The following HLA-DMA variants were observed in gnomAD, a reference collection of about 807,000 sequenced individuals.
HLA-DMA encodes major histocompatibility complex, class II, DM alpha.
HLA-DMA carries 20 observed loss-of-function variants against 27.3 expected under a neutral mutation model. The observed-to-expected ratio is 0.73, with a 90% CI of 0.52 to 1.07. HLA-DMA has a LOEUF of 1.07. Ranked by LOEUF, HLA-DMA falls within the 50% of genes least tolerant of loss-of-function variation. HLA-DMA has a pLI of 0.00. For synonymous variants in HLA-DMA, 111 were observed against 126.8 expected (o/e 0.88, Z 0.83); for missense variants, 241 against 321.7 (o/e 0.75, Z 1.92).
rs1776825782 is a variant in HLA-DMA at position 32,950,016 on chromosome 6, A to G, written c.374-127T>C. On this transcript the variant is annotated intron_variant, in intron 2 of 4. Coordinates refer to ENST00000374843, the MANE Select transcript of HLA-DMA (RefSeq NM_006120.4). The surrounding 1 kb of genome is among the most constrained non-coding windows in gnomAD (Gnocchi z 5.0). The stretch of plus-strand genomic sequence containing the variant: ...CACAGTGGGTCAGGCTTTGGGAGAC[A>G]GAGATGAGCGAGGAGCTGGGCTCTG... 1.1e-6 allele frequency: 1 copy of G among 900,798 alleles called. No homozygotes were observed. The highest frequency in any genetic ancestry group is 1.7e-6 in the Non-Finnish European group (1 of 594,936). 55.8% of individuals were successfully genotyped at this position (900,798 alleles called of 1,614,324 possible).
Position 32,949,656 on chromosome 6 carries a change from T to G in HLA-DMA, c.607A>C (p.Ile203Leu), listed in dbSNP as rs779037182. 6.2e-7 allele frequency: 1 copy of G among 1,613,066 alleles called. No homozygotes were observed. The highest frequency in any genetic ancestry group is 8.5e-7 in the Non-Finnish European group (1 of 1,180,026). ...TPEPSDIFSC[I>L]VTHEIDRYTA... ...TAGCGGTCAATTTCGTGAGTCACAA[T>G]GCAGGAGAAAATGTCAGAAGGTTCT... is the stretch of plus-strand genomic sequence containing the variant. The change falls in exon 3 of 5, where the codon ATT (isoleucine) becomes CTT (leucine). Residue 203 changes from isoleucine (I) to leucine (L), a missense_variant. Transcript: ENST00000374843. The surrounding 1 kb of genome is among the most constrained non-coding windows in gnomAD (Gnocchi z 5.8).
intron 1 of HLA-DMA, 41 bp downstream of exon 1, chr6:32,952,908 C>T: frequency 6.7e-7 from 1 of 1,492,920 alleles, no homozygotes; most frequent in African/African-American, 1.4e-5. Context: ...TGAGTGGGCT[C>T]CCTAGGTTCA....
At position 32,949,228 on chromosome 6, in the gene HLA-DMA, A is replaced by T. The variant is rs1332825275; in HGVS notation, c.781+43T>A. 1.9e-6 allele frequency: 3 copies of T among 1,613,430 alleles called. No homozygotes were observed. In the African/African-American group the frequency reaches 4.0e-5, roughly 22 times the overall value. On this transcript the variant is annotated intron_variant, in intron 4 of 4. Coordinates refer to ENST00000374843, the MANE Select transcript of HLA-DMA (RefSeq NM_006120.4). The surrounding 1 kb of genome is among the most constrained non-coding windows in gnomAD (Gnocchi z 5.8). The stretch of plus-strand genomic sequence containing the variant: ...GACACATGCACGCATGCACCACTGT[A>T]TCTGGCTCCCACAGGCTCACCCGCC...
chr6:32,952,981 C>A lies in HLA-DMA; in HGVS notation c.56G>T (p.Trp19Leu). 6.2e-7 allele frequency: 1 copy of A among 1,612,784 alleles called. No homozygotes were observed. Among genetic ancestry groups the A allele is most frequent in the Non-Finnish European group, 8.5e-7 (1 of 1,179,866 alleles). Residue 19 changes from tryptophan to leucine, a missense_variant, in exon 1 of 5, where the codon TGG (tryptophan) becomes TTG (leucine). Transcript: ENST00000374843. ...GACGGCCCAGGAGTGGGGTAGCAGC[C>A]ACAGAAGTGGTAACATCTGTAGCAG... is the stretch of plus-strand genomic sequence containing the variant. ...AALLQMLPLL[W>L]LLPHSWAVPE...
chr6:32,949,137 A>G lies in HLA-DMA; in HGVS notation c.781+134T>C. On this transcript the variant is annotated intron_variant, in intron 4 of 4. Transcript: ENST00000374843. This position sits in a 1 kb window ranked among gnomAD's most constrained non-coding sequence, Gnocchi z 5.8. ...GGAAGATGTGCCCCCATGGTGCTGGATACAGGCCCCCACACCCAAGGGCCT... is the reference window on the plus strand; with the variant it reads ...GGAAGATGTGCCCCCATGGTGCTGGGTACAGGCCCCCACACCCAAGGGCCT... 1 of 1,205,680 alleles carries G rather than the reference A, an allele frequency of 8.3e-7. No individual in the cohort carries two copies. The highest frequency in any genetic ancestry group is 1.2e-6 in the Non-Finnish European group (1 of 847,912). 74.7% of individuals were successfully genotyped at this position (1,205,680 alleles called of 1,614,324 possible).
Position 32,950,474 on chromosome 6 carries a change from G to A in HLA-DMA, c.373+45C>T, listed in dbSNP as rs770393481. 1.3e-6 allele frequency: 2 copies of A among 1,596,464 alleles called. No homozygotes were observed. The highest frequency in any genetic ancestry group is 2.2e-5 in the South Asian group (2 of 90,310). ...AATTATTCAGTGTACAGATCAATGA[G>A]GTTAATGCAGCCCTCCTCCCTTCAC... On this transcript the variant is annotated intron_variant, in intron 2 of 4. Transcript: ENST00000374843. The surrounding 1 kb of genome is among the most constrained non-coding windows in gnomAD (Gnocchi z 5.0).
rs112425334 is a variant in HLA-DMA at position 32,949,965 on chromosome 6, CAT to C, written c.374-78_374-77del. On this transcript the variant is annotated intron_variant, in intron 2 of 4. Transcript: ENST00000374843. This position sits in a 1 kb window ranked among gnomAD's most constrained non-coding sequence, Gnocchi z 5.8. ...ATCTCTGTGTTTGGAGGGGCCATGG[CAT>C]ATGGAGGGGAGGGCAGAGAAGAACA... The C allele has an allele frequency of 2.6e-5, 37 of 1,426,746 alleles. No individual in the cohort carries two copies. In the African/African-American group the frequency reaches 3.5e-4, roughly 14 times the overall value. 88.4% of individuals were successfully genotyped at this position (1,426,746 alleles called of 1,614,324 possible). A position where few individuals can be genotyped will look rare whatever the true frequency, so the allele number is the denominator to read the frequency against.
At position 32,949,610 on chromosome 6, in the gene HLA-DMA, C is replaced by T. The variant is rs1189730715; in HGVS notation, c.652+1G>A. 6.2e-7 allele frequency: 1 copy of T among 1,612,898 alleles called. No homozygotes were observed. The highest frequency in any genetic ancestry group is 1.3e-5 in the African/African-American group (1 of 74,926). ...CCAGAATTCCAGGGAGAAAGCCTCA[C>T]CCCAATAGGCAATTGCTGTGTAGCG... On this transcript the variant is annotated splice_donor_variant, in intron 3 of 4. Transcript: ENST00000374843. LOFTEE classifies it high-confidence loss of function. This position sits in a 1 kb window ranked among gnomAD's most constrained non-coding sequence, Gnocchi z 5.8.
Position 32,950,203 on chromosome 6 carries a change from G to A in HLA-DMA, c.374-314C>T, listed in dbSNP as rs11539216. The A allele has an allele frequency of 0.044, 26,182 of 590,262 alleles. 776 individuals are homozygous for A. Among genetic ancestry groups the A allele is most frequent in the Non-Finnish European group, 0.058 (19,254 of 332,884 alleles). 36.6% of individuals were successfully genotyped at this position (590,262 alleles called of 1,614,324 possible). A position where few individuals can be genotyped will look rare whatever the true frequency, so the allele number is the denominator to read the frequency against. On this transcript the variant is annotated intron_variant, in intron 2 of 4. Transcript: ENST00000374843. This position sits in a 1 kb window ranked among gnomAD's most constrained non-coding sequence, Gnocchi z 5.0. ...TGTCTTCTCACTAAGACATAGTCAC[G>A]TCATCAGATATTTCCACTCTTCCCA...
At position 32,950,737 on chromosome 6, in the gene HLA-DMA, T is replaced by C. The variant is rs770715198; in HGVS notation, c.155A>G (p.Asp52Gly). 28 of 1,613,012 alleles carry C rather than the reference T, an allele frequency of 1.7e-5. No individual in the cohort carries two copies. Among genetic ancestry groups the C allele is most frequent in the Non-Finnish European group, 2.3e-5 (27 of 1,179,992 alleles). ...HTFLHTVYCQ[D>G]GSPSVGLSEA... ...AGAGAGTCCCACACTGGGACTCCCA[T>C]CCTGGCAGTACACTGTGTGCAGGAA... The change falls in exon 2 of 5, where the codon GAT (aspartate) becomes GGT (glycine). Residue 52 changes from aspartate (D) to glycine (G), a missense_variant. Coordinates refer to ENST00000374843, the MANE Select transcript of HLA-DMA (RefSeq NM_006120.4). The surrounding 1 kb of genome is among the most constrained non-coding windows in gnomAD (Gnocchi z 5.0).
chr6:32,950,814 C>T lies in HLA-DMA; in HGVS notation c.89-11G>A. ...ACATTGGAGTAGGAGCTGCAAAGGA[C>T]ACAGGGTGAGGTTCAGGGAGGTGGG... On this transcript the variant is annotated splice_polypyrimidine_tract_variant and intron_variant, in intron 1 of 4. Coordinates refer to ENST00000374843, the MANE Select transcript of HLA-DMA (RefSeq NM_006120.4). The surrounding 1 kb of genome is among the most constrained non-coding windows in gnomAD (Gnocchi z 5.0). The T allele has an allele frequency of 6.2e-7, 1 of 1,607,786 alleles. No individual in the cohort carries two copies. Among genetic ancestry groups the T allele is most frequent in the East Asian group, 2.2e-5 (1 of 44,734 alleles).
Position 32,948,761 on chromosome 6 carries a change from A to G in HLA-DMA, c.*103T>C. ...CACACACACCCCAGGGATGTCCCAG[A>G]GACTTCTACCCTAAGAGGAGATCCT... On this transcript the variant is annotated 3_prime_UTR_variant, in exon 5 of 5. Coordinates refer to ENST00000374843, the MANE Select transcript of HLA-DMA (RefSeq NM_006120.4). 1 of 730,798 alleles carries G rather than the reference A, an allele frequency of 1.4e-6. No individual in the cohort carries two copies. The highest frequency in any genetic ancestry group is 2.0e-6 in the Non-Finnish European group (1 of 488,086). The allele number at this position is 730,798 out of a possible 1,614,324, so 45.3% of individuals were successfully genotyped here.
Position 32,950,181 on chromosome 6 carries a change from C to T in HLA-DMA, c.374-292G>A. On this transcript the variant is annotated intron_variant, in intron 2 of 4. Coordinates refer to ENST00000374843, the MANE Select transcript of HLA-DMA (RefSeq NM_006120.4). This position sits in a 1 kb window ranked among gnomAD's most constrained non-coding sequence, Gnocchi z 5.0. ...ACATTGATGTCTAACCATGCACTGT[C>T]TTCTCACTAAGACATAGTCACGTCA... 1.7e-6 allele frequency: 1 copy of T among 592,892 alleles called. No individual in the cohort carries two copies. The highest frequency in any genetic ancestry group is 2.1e-5 in the South Asian group (1 of 47,452). The allele number at this position is 592,892 out of a possible 1,614,324, so 36.7% of individuals were successfully genotyped here.
Position 32,949,020 on chromosome 6 carries a change from G to T in HLA-DMA, c.782-152C>A. The T allele has an allele frequency of 2.0e-6, 2 of 986,940 alleles. No homozygotes were observed. The highest frequency in any genetic ancestry group is 1.5e-6 in the Non-Finnish European group (1 of 669,430). 61.1% of individuals were successfully genotyped at this position (986,940 alleles called of 1,614,324 possible). ...CTCCTTGTTCCCAAATCATCTCCAA[G>T]CACCCTTCCTACAGCACCCCATGAT... On this transcript the variant is annotated intron_variant, in intron 4 of 4. Transcript: ENST00000374843. The surrounding 1 kb of genome is among the most constrained non-coding windows in gnomAD (Gnocchi z 5.8).
intron 1 of HLA-DMA, chr6:32,952,341 T>G (rs1776939570): frequency 2.1e-6 from 1 of 471,160 alleles, no homozygotes; most frequent in African/African-American, 2.0e-5. Context: ...TCAAAATGTC[T>G]TCTGTTCCTT....
At position 32,950,621 on chromosome 6, in the gene HLA-DMA, C is replaced by T. The variant is rs1776853398; in HGVS notation, c.271G>A (p.Glu91Lys). The change falls in exon 2 of 5, where the codon GAA becomes AAA. Residue 91 changes from glutamate to lysine, a missense_variant. Glu to Lys is a moderately conservative substitution (Grantham distance 56). Transcript: ENST00000374843. This position sits in a 1 kb window ranked among gnomAD's most constrained non-coding sequence, Gnocchi z 5.0. ...RLPEFADWAQEQGDAPAILFD... is the reference protein window; with the variant it reads ...RLPEFADWAQKQGDAPAILFD... ...AAAATGGCAGGAGCATCTCCCTGTT[C>T]CTGAGCCCAGTCAGCAAATTCGGGC... is the stretch of plus-strand genomic sequence containing the variant. 6.2e-7 allele frequency: 1 copy of T among 1,613,096 alleles called. No individual in the cohort carries two copies. Among genetic ancestry groups the T allele is most frequent in the Non-Finnish European group, 8.5e-7 (1 of 1,180,042 alleles).
rs751458783 is a variant in HLA-DMA at position 32,949,748 on chromosome 6, C to T, written c.515G>A (p.Gly172Glu). Residue 172 changes from glycine to glutamate, a missense_variant, in exon 3 of 5, where the codon GGG (glycine) becomes GAG (glutamate). Physicochemically the swap from Gly to Glu is moderately conservative, Grantham distance 98. Coordinates refer to ENST00000374843, the MANE Select transcript of HLA-DMA (RefSeq NM_006120.4). The surrounding 1 kb of genome is among the most constrained non-coding windows in gnomAD (Gnocchi z 5.8). ...ATCGACAGCTGAGACAAAAGTAGGC[C>T]CAAATCCTTCCACAGGGACGGAATG... ...QHHSVPVEGF[G>E]PTFVSAVDGL... The T allele has an allele frequency of 1.4e-5, 22 of 1,613,034 alleles. No individual in the cohort carries two copies. In the South Asian group the frequency reaches 2.2e-4, roughly 16 times the overall value.
chr6:32,949,285 T>C lies in HLA-DMA; in HGVS notation c.767A>G (p.Lys256Arg), dbSNP rs749995639. 7 of 1,613,736 alleles carry C rather than the reference T, an allele frequency of 4.3e-6. No individual in the cohort carries two copies. Among genetic ancestry groups the C allele is most frequent in the Non-Finnish European group, 5.9e-6 (7 of 1,179,970 alleles). ...VGIVLIIYFR[K>R]PCSGD ...AGATGACATACCACCTGAGCAAGGC[T>C]TCCGGAAGTAGATGATGAGAACAAT... The change falls in exon 4 of 5, where the codon AAG (lysine) becomes AGG (arginine). Residue 256 changes from lysine to arginine, a missense_variant. Lys to Arg is a conservative substitution (Grantham distance 26, BLOSUM62 2). Coordinates refer to ENST00000374843, the MANE Select transcript of HLA-DMA (RefSeq NM_006120.4). This position sits in a 1 kb window ranked among gnomAD's most constrained non-coding sequence, Gnocchi z 5.8.
rs1212065119 is a variant in HLA-DMA, at chr6:32,950,339, G to C, written c.373+180C>G. 5 of 725,926 alleles carry C rather than the reference G, an allele frequency of 6.9e-6. No individual in the cohort carries two copies. The highest frequency in any genetic ancestry group is 2.4e-5 in the Admixed American group (1 of 41,870). 45.0% of individuals were successfully genotyped at this position (725,926 alleles called of 1,614,324 possible). A position where few individuals can be genotyped will look rare whatever the true frequency, so the allele number is the denominator to read the frequency against. ...AGTTCTGAATGCCTACTACATGCTAGGTACTTCGGCCCACCAAAAGAACAC... is the reference window on the plus strand; with the variant it reads ...AGTTCTGAATGCCTACTACATGCTACGTACTTCGGCCCACCAAAAGAACAC... On this transcript the variant is annotated intron_variant, in intron 2 of 4. Transcript: ENST00000374843. The surrounding 1 kb of genome is among the most constrained non-coding windows in gnomAD (Gnocchi z 5.0).
Sources: allele counts gnomAD v4.1 joint callset, GRCh38; gene constraint gnomAD v4.1.1; non-coding constraint Gnocchi (gnomAD v3.1); transcripts MANE v1.5; gene names NCBI Gene and HGNC (gene_info 2026-07-23, HGNC 2026-07-21).